ATP8A2: variants seen among roughly 807,000 people sequenced by gnomAD.
ATP8A2 encodes ATPase phospholipid transporting 8A2.
In ATP8A2, 100 loss-of-function variants were observed where a neutral mutation model predicts 165.6. The ratio of observed to expected loss-of-function variants is 0.60; its 90% confidence interval spans 0.51 to 0.71. The LOEUF is 0.71. ATP8A2 is among the 30% of genes least tolerant of loss of function. ATP8A2 has a pLI of 0.00. For synonymous variants in ATP8A2, 543 were observed against 548.8 expected, an observed-to-expected ratio of 0.99 and a Z score of 0.15; for missense variants, 1,227 against 1,479.5, an observed-to-expected ratio of 0.83 and a Z score of 2.80.
chr13:25,479,578 G>C (rs1321904604), intron 2 of ATP8A2, among the ~76,000 whole-genome samples: 1 of 151,970 alleles, frequency 6.6e-6, no homozygotes, highest in Non-Finnish European at 1.5e-5. Flanking sequence ...GTGGAGGGAA[G>C]GTCAGCAGAT....
chr13:25,931,207 C>T (rs1358873289), intron 33 of ATP8A2, among the ~76,000 whole-genome samples: 5 of 152,122 alleles, frequency 3.3e-5, no homozygotes, highest in South Asian at 4.2e-4. Flanking sequence ...GCATAGAACA[C>T]GGTTCATTTA....
Position 26,025,452 on chromosome 13 carries a change from C to T in ATP8A2, c.*5467C>T, listed in dbSNP as rs555387334. On this transcript the variant is annotated 3_prime_UTR_variant, in exon 37 of 37. Transcript: ENST00000381655. The stretch of plus-strand genomic sequence containing the variant: ...CGTCTTTCTCATGCGAGCAAAGCCA[C>T]GTGCTCTCCTGTCTGCTGTCACATC... The T allele has an allele frequency of 4.6e-5, 7 of 152,370 alleles. No homozygotes were observed. The highest frequency in any genetic ancestry group is 4.8e-5 in the African/African-American group (2 of 41,570). 9.4% of individuals were successfully genotyped at this position (152,370 alleles called of 1,614,324 possible).
intron 35 of ATP8A2, among the ~76,000 whole-genome samples, chr13:26,006,808 T>C (rs1314056520): frequency 1.3e-5 from 2 of 152,048 alleles, no homozygotes; most frequent in East Asian, 3.8e-4. Context: ...ATTAATGCGG[T>C]ATATTATATT....
intron 1 of ATP8A2, among the ~76,000 whole-genome samples, chr13:25,451,359 A>G (rs1439314192): frequency 6.6e-6 from 1 of 152,148 alleles, no homozygotes; most frequent in African/African-American, 2.4e-5. Flanking sequence ...TTCAGCTAGA[A>G]AGAGAGTGCG....
rs148634577 is a variant in ATP8A2 at position 25,729,452 on chromosome 13, C to T, written c.2384+30107C>T. ...TAACCCTGATTCATACCTTTTAGGA[C>T]AGGTCATGATATTCCCATTTAACTG... is the stretch of plus-strand genomic sequence containing the variant. On this transcript the variant is annotated intron_variant, in intron 25 of 36. Coordinates refer to ENST00000381655, the MANE Select transcript of ATP8A2 (RefSeq NM_016529.6). 1.2e-3 allele frequency among the ~76,000 whole-genome samples: 180 copies of T among 152,312 alleles called. 1 individual carries two copies. The East Asian group carries it at 0.029, about 24-fold the overall frequency.
At chr13:25,513,999 G>GGAGGGGGAGGGAGAGGGA (rs2037381142) in intron 2 of ATP8A2, among the ~76,000 whole-genome samples, 1 of 134,640 alleles carries the variant, frequency 7.4e-6, no homozygotes, top group Non-Finnish European at 1.6e-5. Context: ...AGGGGGAGGG[G>GGAGGGGGAGGGAGAGGGA]GAGGGAGAGG....
chr13:25,729,690 A>G (rs750509918), intron 25 of ATP8A2, among the ~76,000 whole-genome samples: 10 of 151,040 alleles, frequency 6.6e-5, no homozygotes, highest in Non-Finnish European at 1.2e-4. Context: ...TTGTGTTTAC[A>G]CTCCTTTTTA....
At chr13:25,393,943 T>G (rs2033334853) in intron 1 of ATP8A2, among the ~76,000 whole-genome samples, 2 of 152,336 alleles carry the variant, frequency 1.3e-5, no homozygotes, top group South Asian at 2.1e-4. Context: ...ACTATGAAAC[T>G]TATCCAAGAC....
At chr13:25,495,264 T>C (rs2036640312) in intron 2 of ATP8A2, among the ~76,000 whole-genome samples, 4 of 152,254 alleles carry the variant, frequency 2.6e-5, no homozygotes, top group Admixed American at 2.0e-4. Flanking sequence ...AAATGGCCTG[T>C]GTAAGAGGCT....
chr13:25,491,611 C>T (rs1342828463), intron 2 of ATP8A2, among the ~76,000 whole-genome samples: 4 of 152,180 alleles, frequency 2.6e-5, no homozygotes, highest in Non-Finnish European at 5.9e-5. Flanking sequence ...TACTTCGATT[C>T]TGTCATTTTA....
At chr13:26,015,648 C>T (rs1236562239) in intron 36 of ATP8A2, among the ~76,000 whole-genome samples, 2 of 152,086 alleles carry the variant, frequency 1.3e-5, no homozygotes, top group Non-Finnish European at 2.9e-5. Context: ...CCGGAGAAGA[C>T]AAAACAACTA....
At chr13:25,407,452 T>C (rs1233143711) in intron 1 of ATP8A2, among the ~76,000 whole-genome samples, 10 of 152,222 alleles carry the variant, frequency 6.6e-5, no homozygotes, top group Non-Finnish European at 1.0e-4. Context: ...GCAATTTGCA[T>C]CAGGTATGGT....
rs551774097 is a variant in ATP8A2, at chr13:25,883,467, G to A, written c.3183+21059G>A. Reference sequence around the variant, plus strand: ...ATACTTGTGTTATGATTACAAACTGGGGTGTGTGCAAGTCTCTCACCCACT... The same window carrying A: ...ATACTTGTGTTATGATTACAAACTGAGGTGTGTGCAAGTCTCTCACCCACT... On this transcript the variant is annotated intron_variant, in intron 33 of 36. Coordinates refer to ENST00000381655, the MANE Select transcript of ATP8A2 (RefSeq NM_016529.6). 1.7e-4 allele frequency among the ~76,000 whole-genome samples: 26 copies of A among 152,260 alleles called. 1 individual carries two copies. In the South Asian group the frequency reaches 3.5e-3, roughly 21 times the overall value.
At chr13:26,006,256 T>C (rs1477012987) in intron 35 of ATP8A2, among the ~76,000 whole-genome samples, 1 of 152,052 alleles carries the variant, frequency 6.6e-6, no homozygotes, top group Non-Finnish European at 1.5e-5. Flanking sequence ...TATTCCCGAG[T>C]ATTTTATTCC....
intron 1 of ATP8A2, among the ~76,000 whole-genome samples, chr13:25,411,285 G>A (rs545788811): frequency 6.6e-6 from 1 of 152,330 alleles, no homozygotes; most frequent in South Asian, 2.1e-4. Flanking sequence ...GCCAGAAGGA[G>A]AATATCAGGT....
At chr13:25,435,285 TA>T (rs2034727178) in intron 1 of ATP8A2, among the ~76,000 whole-genome samples, 2 of 152,042 alleles carry the variant, frequency 1.3e-5, no homozygotes, top group East Asian at 3.9e-4. Flanking sequence ...CATACCTGGC[TA>T]ATTTTTGTAT....
At chr13:25,877,143 C>A (rs1952839122) in intron 33 of ATP8A2, among the ~76,000 whole-genome samples, 2 of 152,052 alleles carry the variant, frequency 1.3e-5, no homozygotes, top group South Asian at 4.1e-4. Flanking sequence ...AAATTTGATT[C>A]AAGCTTTTAT....
chr13:25,880,461 C>T (rs1267461154), intron 33 of ATP8A2, among the ~76,000 whole-genome samples: 1 of 151,576 alleles, frequency 6.6e-6, no homozygotes, highest in Non-Finnish European at 1.5e-5. Context: ...TAGTTTCACA[C>T]TTAAGTAAAT....
At chr13:25,629,935 T>C (rs2041196888) in intron 24 of ATP8A2, among the ~76,000 whole-genome samples, 1 of 152,182 alleles carries the variant, frequency 6.6e-6, no homozygotes, top group African/African-American at 2.4e-5. Context: ...TTTAATTTTA[T>C]GGCAAAGTCA....
Sources: gnomAD v4.1 joint callset for allele counts (sites outside exome capture counted in the v4.1 genomes callset) on GRCh38, gnomAD v4.1.1 for gene constraint, MANE v1.5 for transcripts, NCBI Gene and HGNC (gene_info 2026-07-23, HGNC 2026-07-21) for gene names.